Variants in PPP4R3A observed in about 807,000 individuals in gnomAD.
PPP4R3A encodes serine/threonine-protein phosphatase 4 regulatory subunit 3A.
In PPP4R3A, 15 loss-of-function variants were observed where a neutral mutation model predicts 91.7. The observed-to-expected ratio is 0.16, with a 90% confidence interval of 0.11 to 0.25. The LOEUF (loss-of-function observed/expected upper bound fraction) is 0.25. Ranked by LOEUF, PPP4R3A falls within the 10% of genes least tolerant of loss-of-function variation. The pLI is 1.00. For synonymous variants in PPP4R3A, 377 were observed against 348.7 expected (o/e 1.08, Z -0.91); for missense variants, 623 against 998.4 (o/e 0.62, Z 5.07).
intron 1 of PPP4R3A, among the ~76,000 whole-genome samples, chr14:91,495,661 T>A (rs1262920825): frequency 6.6e-6 from 1 of 151,992 alleles, no homozygotes; most frequent in Non-Finnish European, 1.5e-5. Context: ...ACATTTTGAA[T>A]TGGTGAATTA....
intron 1 of PPP4R3A, among the ~76,000 whole-genome samples, chr14:91,494,436 A>C (rs1220353955): frequency 1.3e-5 from 2 of 152,252 alleles, no homozygotes; most frequent in African/African-American, 4.8e-5. Context: ...GAATATATAA[A>C]GGACTCTTAC....
intron 1 of PPP4R3A, among the ~76,000 whole-genome samples, chr14:91,493,235 A>AC (rs1567160531): frequency 4.6e-5 from 7 of 151,108 alleles, no homozygotes; most frequent in African/African-American, 1.7e-4. Flanking sequence ...CTAAAAATAC[A>AC]AAAATTAGCC....
chr14:91,507,694 T>C (rs2140178982), intron 1 of PPP4R3A, among the ~76,000 whole-genome samples: 1 of 53,696 alleles, frequency 1.9e-5, no homozygotes, highest in Non-Finnish European at 3.9e-5. Context: ...AGCATACTTC[T>C]GATAGTACGA....
chr14:91,495,302 A>G (rs1054312468), intron 1 of PPP4R3A, among the ~76,000 whole-genome samples: 107 of 140,958 alleles, frequency 7.6e-4, no homozygotes, highest in African/African-American at 2.6e-4. Context: ...CAGATACATA[A>G]TGTGTGTGTG....
At chr14:91,473,203 T>G in intron 8 of PPP4R3A, 36 bp downstream of exon 8, 8 of 1,612,432 alleles carry the variant, frequency 5.0e-6, no homozygotes, top group Non-Finnish European at 6.8e-6. Flanking sequence ...CACAATATAC[T>G]AGCTATGAAA....
intron 12 of PPP4R3A, 27 bp from the exon 13 acceptor site, chr14:91,462,266 A>G (rs1260675178): frequency 6.5e-7 from 1 of 1,534,940 alleles, no homozygotes. Flanking sequence ...AAGAGTAAAT[A>G]CAATCATATA....
At chr14:91,507,493 T>C (rs1891447735) in intron 1 of PPP4R3A, among the ~76,000 whole-genome samples, 1 of 138,110 alleles carries the variant, frequency 7.2e-6, no homozygotes, top group Non-Finnish European at 1.5e-5. Flanking sequence ...ATATATACTA[T>C]ATAGAATATA....
In PPP4R3A at chr14:91,509,955, C is replaced by G; in HGVS notation, c.-308G>C. The G allele has an allele frequency of 9.8e-7, 1 of 1,019,664 alleles. No homozygotes were observed. Among genetic ancestry groups the G allele is most frequent in the Non-Finnish European group, 1.2e-6 (1 of 852,962 alleles). 63.2% of individuals were successfully genotyped at this position (1,019,664 alleles called of 1,614,324 possible). A position where few individuals can be genotyped will look rare whatever the true frequency, so the allele number is the denominator to read the frequency against. ...GCCTCCCGCCCCGCAGCGCTAGGAA[C>G]TCGGGGCTCCCGTCACTGCCCTGCT... On this transcript the variant is annotated 5_prime_UTR_variant, in exon 1 of 15. Transcript: ENST00000554943.
In PPP4R3A at chr14:91,509,775, G is replaced by C; in HGVS notation, c.-128C>G. Reference sequence around the variant, plus strand: ...GCTCCCCGGCCTCACTGCCGCCGCTGGGCGCCGCGGGGCCGCGCCGCCGCC... The same window carrying C: ...GCTCCCCGGCCTCACTGCCGCCGCTCGGCGCCGCGGGGCCGCGCCGCCGCC... On this transcript the variant is annotated 5_prime_UTR_variant, in exon 1 of 15. Coordinates refer to ENST00000554943, the MANE Select transcript of PPP4R3A (RefSeq NM_001366432.2). The C allele has an allele frequency of 7.9e-7, 1 of 1,266,210 alleles. No individual in the cohort carries two copies. The highest frequency in any genetic ancestry group is 9.9e-7 in the Non-Finnish European group (1 of 1,010,738). 78.4% of individuals were successfully genotyped at this position (1,266,210 alleles called of 1,614,324 possible).
At chr14:91,491,256 C>T (rs770017974) in intron 1 of PPP4R3A, among the ~76,000 whole-genome samples, 5 of 151,814 alleles carry the variant, frequency 3.3e-5, no homozygotes, top group East Asian at 3.9e-4. Flanking sequence ...GATAGAGTCT[C>T]GCTATGTTGC....
chr14:91,509,346 G>T (rs991031445), intron 1 of PPP4R3A, among the ~76,000 whole-genome samples, 160 bp downstream of exon 1: 2 of 152,194 alleles, frequency 1.3e-5, no homozygotes, highest in Admixed American at 1.3e-4. Context: ...GGGAGCTCCC[G>T]CAAGACTGGG....
At chr14:91,506,990 G>A (rs900463433) in intron 1 of PPP4R3A, among the ~76,000 whole-genome samples, 9 of 152,128 alleles carry the variant, frequency 5.9e-5, no homozygotes, top group Non-Finnish European at 1.3e-4. Flanking sequence ...CAAAATGGAG[G>A]AAGAGAGATT....
At chr14:91,467,850 A>ACTGT (rs1450108118) in intron 10 of PPP4R3A, among the ~76,000 whole-genome samples, 1 of 152,206 alleles carries the variant, frequency 6.6e-6, no homozygotes, top group African/African-American at 2.4e-5. Context: ...ATTGCTCATT[A>ACTGT]CTGTCTGCAT....
intron 1 of PPP4R3A, among the ~76,000 whole-genome samples, chr14:91,499,913 C>G (rs1373098119): frequency 1.3e-5 from 2 of 151,682 alleles, no homozygotes; most frequent in Non-Finnish European, 2.9e-5. Flanking sequence ...TAGGGTGCTA[C>G]CAACCCCCAC....
At chr14:91,493,236 A>G (rs969177555) in intron 1 of PPP4R3A, among the ~76,000 whole-genome samples, 6 of 144,490 alleles carry the variant, frequency 4.2e-5, no homozygotes, top group African/African-American at 1.7e-4. Context: ...TAAAAATACA[A>G]AAATTAGCCG....
At chr14:91,463,076 T>G (rs964535441) in intron 11 of PPP4R3A, among the ~76,000 whole-genome samples, 199 bp from the exon 12 acceptor site, 3 of 152,104 alleles carry the variant, frequency 2.0e-5, no homozygotes, top group Admixed American at 6.5e-5. Flanking sequence ...ATGGGTCTTT[T>G]TTTTTTGAGA....
rs1289770871 is a variant in PPP4R3A, at chr14:91,473,341, T to C, written c.1296A>G (p.Glu432=). 6.2e-7 allele frequency: 1 copy of C among 1,613,810 alleles called. No homozygotes were observed. Among genetic ancestry groups the C allele is most frequent in the Admixed American group, 1.7e-5 (1 of 59,964 alleles). Residue 432 remains glutamate (E), a synonymous_variant, in exon 8 of 15, where the codon GAA becomes GAG. Transcript: ENST00000554943. Reference sequence around the variant, plus strand: ...CAGGATCTGTATCACAAATCATATGTTCTATAATGAGGTTGATGAGCAAAA... The same window carrying C: ...CAGGATCTGTATCACAAATCATATGCTCTATAATGAGGTTGATGAGCAAAA... ...KDILLINLII[E]HMICDTDPEL...
At chr14:91,479,334 G>GA (rs1889406365) in intron 4 of PPP4R3A, among the ~76,000 whole-genome samples, 4 of 149,816 alleles carry the variant, frequency 2.7e-5, no homozygotes, top group African/African-American at 7.4e-5. Context: ...GTGTGTATGG[G>GA]TGCAAATAAC....
rs1888194331 is a variant in PPP4R3A at position 91,462,103 on chromosome 14, T to C, written c.2110A>G (p.Lys704Glu). ...GGATCCATAATATCATCATCATTTT[T>C]AGTTTTGTCAGATGGAGACACTACA... ...EAVVSPSDKT[K>E]NDDDIMDPIS... Residue 704 changes from lysine (K) to glutamate (E), a missense_variant, in exon 13 of 15, where the codon AAA (lysine) becomes GAA (glutamate). By Grantham distance (56) the Lys-to-Glu change is moderately conservative. This residue lies in a region of PPP4R3A where 201 missense variants were observed against 229.9 expected (regional missense o/e 0.87). Coordinates refer to ENST00000554943, the MANE Select transcript of PPP4R3A (RefSeq NM_001366432.2). 4.5e-6 allele frequency: 7 copies of C among 1,567,882 alleles called. No individual in the cohort carries two copies. The highest frequency in any genetic ancestry group is 6.0e-6 in the Non-Finnish European group (7 of 1,162,370).
Sources: allele counts gnomAD v4.1 joint callset (sites outside exome capture counted in the v4.1 genomes callset), GRCh38; gene constraint gnomAD v4.1.1; regional missense constraint gnomAD v4.1.1; transcripts MANE v1.5; gene names NCBI Gene and HGNC (gene_info 2026-07-23, HGNC 2026-07-21).